Variants in MTMR7 observed in about 807,000 individuals in gnomAD.
MTMR7 encodes phosphatidylinositol-3-phosphate phosphatase MTMR7.
Under a neutral mutation model 81.2 loss-of-function variants are expected in MTMR7, and 76 were observed. The ratio of observed to expected loss-of-function variants is 0.94; its 90% confidence interval spans 0.78 to 1.13. The LOEUF is 1.13. Among genes scored for constraint, MTMR7 ranks in the 50% most tolerant of loss-of-function variants. The probability of loss-of-function intolerance (pLI) is 0.00; values close to 1 mark genes in which losing one functional copy is unlikely to be tolerated. For synonymous variants in MTMR7, 372 were observed against 289.8 expected (o/e 1.28, Z -2.88); for missense variants, 1,044 against 820.0 (o/e 1.27, Z -3.34).
intron 1 of MTMR7, among the ~76,000 whole-genome samples, chr8:17,406,338 T>C (rs950952698): frequency 6.6e-6 from 1 of 152,130 alleles, no homozygotes; most frequent in Non-Finnish European, 1.5e-5. Flanking sequence ...AGGAATTGAA[T>C]AAGCATTTCT....
In MTMR7 at chr8:17,404,169, G is replaced by A. The variant is rs184210070; in HGVS notation, c.24+9100C>T. Among the ~76,000 whole-genome samples, 699 of 152,290 alleles carry A rather than the reference G, an allele frequency of 4.6e-3. 4 individuals are homozygous for A. The highest frequency in any genetic ancestry group is 0.016 in the African/African-American group (670 of 41,560). ...CAAAAATGGAAAGGGGACCAGGCAAGAGTTGACAGTATTTCAGAATAGGGT... is the reference window on the plus strand; with the variant it reads ...CAAAAATGGAAAGGGGACCAGGCAAAAGTTGACAGTATTTCAGAATAGGGT... On this transcript the variant is annotated intron_variant, in intron 1 of 13. Coordinates refer to ENST00000180173, the MANE Select transcript of MTMR7 (RefSeq NM_004686.5).
rs536202546 is a variant in MTMR7 at position 17,387,287 on chromosome 8, T to C, written c.25-14047A>G. On this transcript the variant is annotated intron_variant, in intron 1 of 13. Coordinates refer to ENST00000180173, the MANE Select transcript of MTMR7 (RefSeq NM_004686.5). ...TTAGCCTGGAGAGCCCATATCATCA[T>C]ACTTCAAACTCTGGACAGAGCCAGT... Among the ~76,000 whole-genome samples the C allele has an allele frequency of 4.6e-5, 7 of 152,350 alleles. No individual in the cohort carries two copies. The South Asian group carries it at 1.0e-3, about 23-fold the overall frequency.
intron 3 of MTMR7, among the ~76,000 whole-genome samples, chr8:17,367,848 T>C (rs1488123191): frequency 1.3e-5 from 2 of 151,722 alleles, no homozygotes; most frequent in African/African-American, 4.8e-5. Flanking sequence ...CTTCGCATTC[T>C]GCTGATGCTA....
chr8:17,367,453 A>T (rs1820263496), intron 3 of MTMR7, among the ~76,000 whole-genome samples: 1 of 152,156 alleles, frequency 6.6e-6, no homozygotes, highest in Non-Finnish European at 1.5e-5. Context: ...AATACATTAG[A>T]TCTACAAGGT....
chr8:17,381,207 G>A (rs921265789), intron 1 of MTMR7, among the ~76,000 whole-genome samples: 11 of 151,958 alleles, frequency 7.2e-5, no homozygotes, highest in African/African-American at 2.4e-4. Context: ...GTTAGACTGA[G>A]GGGAAAAAAG....
intron 3 of MTMR7, 113 bp from the exon 4 acceptor site, chr8:17,361,387 AC>A: frequency 9.2e-7 from 1 of 1,083,522 alleles, no homozygotes; most frequent in Non-Finnish European, 1.4e-6. Flanking sequence ...CCCAACCCCC[AC>A]CCCCAGCACA....
rs901081334 is a variant in MTMR7 at position 17,324,121 on chromosome 8, C to A, written c.865+7029G>T. On this transcript the variant is annotated intron_variant, in intron 7 of 13. Coordinates refer to ENST00000180173, the MANE Select transcript of MTMR7 (RefSeq NM_004686.5). ...CCAGGGAAGGCCCTCAGTGACATCA[C>A]TAATAAACAAGCAAGATCTTTCCTT... 3.9e-5 allele frequency among the ~76,000 whole-genome samples: 6 copies of A among 152,200 alleles called. 1 individual carries two copies. Among genetic ancestry groups the A allele is most frequent in the African/African-American group, 1.4e-4 (6 of 41,440 alleles).
intron 6 of MTMR7, among the ~76,000 whole-genome samples, chr8:17,340,028 C>T (rs1488503797): frequency 6.6e-5 from 10 of 152,140 alleles, no homozygotes; most frequent in African/African-American, 1.9e-4. Context: ...CTCGGCTCAC[C>T]GCAACCTCCG....
chr8:17,308,470 A>C (rs1348325608), intron 10 of MTMR7, among the ~76,000 whole-genome samples: 1 of 152,236 alleles, frequency 6.6e-6, no homozygotes, highest in Admixed American at 6.5e-5. Context: ...TTAATGCTAA[A>C]AGCAAAAAAC....
chr8:17,310,866 G>A (rs1348067896), intron 9 of MTMR7, among the ~76,000 whole-genome samples: 2 of 152,036 alleles, frequency 1.3e-5, no homozygotes, highest in Non-Finnish European at 2.9e-5. Flanking sequence ...TTCATTTTAA[G>A]GAACTTATAC....
chr8:17,357,266 T>C (rs755194115), intron 4 of MTMR7, among the ~76,000 whole-genome samples: 1 of 152,226 alleles, frequency 6.6e-6, no homozygotes, highest in Non-Finnish European at 1.5e-5. Flanking sequence ...ATAATACTAC[T>C]ATACACAGAA....
At position 17,302,163 on chromosome 8, in the gene MTMR7, G is replaced by A. The variant is rs755736040; in HGVS notation, c.1611C>T (p.Ala537=). The part of the protein sequence containing the change: ...ETQQLEEELE[A]LEERLEKIQK... ...AGCAAGTATGTCTTACTTCTTCCAG[G>A]GCCTCTAGTTCTTCCTCTAGCTGCT... The change falls in exon 13 of 14, where the codon GCC becomes GCT. Residue 537 remains alanine, a synonymous_variant. Coordinates refer to ENST00000180173, the MANE Select transcript of MTMR7 (RefSeq NM_004686.5). 2.7e-5 allele frequency: 44 copies of A among 1,613,852 alleles called. No homozygotes were observed. The highest frequency in any genetic ancestry group is 3.6e-5 in the Non-Finnish European group (42 of 1,179,972).
intron 5 of MTMR7, among the ~76,000 whole-genome samples, chr8:17,348,393 A>AC (rs148827881): frequency 0.084 from 12,709 of 151,166 alleles, 1,393 homozygotes; most frequent in East Asian, 0.39. Flanking sequence ...CAAAAAAAAA[A>AC]CCCAAAATTA....
intron 3 of MTMR7, among the ~76,000 whole-genome samples, chr8:17,364,434 C>CATCTGAAATTT (rs1820159202): frequency 6.6e-6 from 1 of 152,170 alleles, no homozygotes; most frequent in African/African-American, 2.4e-5. Flanking sequence ...GTAACGAGAA[C>CATCTGAAATTT]ATCTGAAATT....
chr8:17,314,404 A>G (rs1482946002), intron 7 of MTMR7, among the ~76,000 whole-genome samples: 1 of 152,118 alleles, frequency 6.6e-6, no homozygotes, highest in East Asian at 1.9e-4. Context: ...CCAGTCTCTG[A>G]GCCTCAATTT....
intron 3 of MTMR7, among the ~76,000 whole-genome samples, chr8:17,361,978 A>T (rs900444129): frequency 2.0e-5 from 3 of 152,156 alleles, no homozygotes; most frequent in African/African-American, 7.2e-5. Context: ...ACTGCCTTTG[A>T]TGCTTGTGAA....
At chr8:17,337,362 CAAAA>C (rs1554511150) in intron 6 of MTMR7, among the ~76,000 whole-genome samples, 20 of 89,664 alleles carry the variant, frequency 2.2e-4, no homozygotes, top group African/African-American at 5.8e-4. Context: ...AACTCCGTCC[CAAAA>C]AAAAAAAAAA....
intron 5 of MTMR7, among the ~76,000 whole-genome samples, chr8:17,342,427 C>A (rs1195856396): frequency 6.6e-6 from 1 of 152,186 alleles, no homozygotes; most frequent in Admixed American, 6.5e-5. Context: ...GAAAGTTTCA[C>A]TGCAAATAGT....
chr8:17,398,464 T>A (rs1461499787), intron 1 of MTMR7, among the ~76,000 whole-genome samples: 1 of 151,874 alleles, frequency 6.6e-6, no homozygotes, highest in Non-Finnish European at 1.5e-5. Flanking sequence ...AAGAAAAAAA[T>A]TAGTGAGCTT....
Sources: gnomAD v4.1 joint callset for allele counts (sites outside exome capture counted in the v4.1 genomes callset) on GRCh38, gnomAD v4.1.1 for gene constraint, MANE v1.5 for transcripts, NCBI Gene and HGNC (gene_info 2026-07-23, HGNC 2026-07-21) for gene names.